Variants in CHFR observed in about 807,000 individuals in gnomAD.
CHFR encodes the protein checkpoint with forkhead and ring finger domains.
Under a neutral mutation model 87.6 loss-of-function variants are expected in CHFR, and 57 were observed. The ratio of observed to expected loss-of-function variants is 0.65; its 90% CI spans 0.53 to 0.81. The LOEUF (loss-of-function observed/expected upper bound fraction) is 0.81, where lower values mean the gene tolerates loss of function less well. CHFR is among the 30% of genes least tolerant of loss of function. CHFR has a pLI of 0.00. For synonymous variants in CHFR, 381 were observed against 359.2 expected, an observed-to-expected ratio of 1.06 and a Z score of -0.69; for missense variants, 797 against 865.8, an observed-to-expected ratio of 0.92 and a Z score of 1.00.
intron 2 of CHFR, among the ~76,000 whole-genome samples, chr12:132,886,638 T>C (rs1261540135): frequency 6.6e-6 from 1 of 152,222 alleles, no homozygotes; most frequent in East Asian, 1.9e-4. Flanking sequence ...TTTTTAGCTT[T>C]CCAGGTTTAT....
Position 132,837,972 on chromosome 12 carries a change from C to G in CHFR, c.*3582G>C, listed in dbSNP as rs563211820. The G allele has an allele frequency of 6.6e-6, 1 of 152,494 alleles. No homozygotes were observed. Among genetic ancestry groups the G allele is most frequent in the African/African-American group, 2.4e-5 (1 of 41,598 alleles). The allele number at this position is 152,494 out of a possible 1,614,324, so 9.4% of individuals were successfully genotyped here. On this transcript the variant is annotated 3_prime_UTR_variant, in exon 18 of 18. Coordinates refer to ENST00000450056, the MANE Select transcript of CHFR (RefSeq NM_001161346.2). The stretch of plus-strand genomic sequence containing the variant: ...TTCCTTCCCTTCCCAGTGCAGGGCT[C>G]CCGGCAACCTAGCGGCCCTGGCAGT...
At chr12:132,869,472 A>G (rs1951434657) in intron 6 of CHFR, 147 bp downstream of exon 6, 1 of 679,104 alleles carries the variant, frequency 1.5e-6, no homozygotes, top group African/African-American at 1.8e-5. Flanking sequence ...GGAACAACAC[A>G]CTCAATATTG....
intron 6 of CHFR, among the ~76,000 whole-genome samples, chr12:132,863,070 G>C (rs1222803737): frequency 7.0e-6 from 1 of 143,614 alleles, no homozygotes; most frequent in African/African-American, 2.5e-5. Flanking sequence ...CTAATTTTTT[G>C]TATTTTTAGT....
chr12:132,856,818 C>T (rs868536362), intron 9 of CHFR, 188 bp from the exon 10 acceptor site: 40 of 720,908 alleles, frequency 5.5e-5, no homozygotes, highest in Admixed American at 2.1e-4. Flanking sequence ...GATGCCCTCA[C>T]GTGCCCGGGT....
chr12:132,885,549 T>G (rs559168585), intron 2 of CHFR, among the ~76,000 whole-genome samples: 2 of 152,302 alleles, frequency 1.3e-5, no homozygotes, highest in Admixed American at 6.5e-5. Flanking sequence ...CTGGCAACAT[T>G]ATTTATAAAT....
At position 132,853,589 on chromosome 12, in the gene CHFR, G is replaced by T; in HGVS notation, c.1230-16C>A. On this transcript the variant is annotated splice_polypyrimidine_tract_variant and intron_variant, in intron 10 of 17. Coordinates refer to ENST00000450056, the MANE Select transcript of CHFR (RefSeq NM_001161346.2). Reference sequence around the variant, plus strand: ...GTATGGCTGGCTGCAAGGAAGCACAGGGCCGAGCTGTGTGCAGGCCCCAAG... The same window carrying T: ...GTATGGCTGGCTGCAAGGAAGCACATGGCCGAGCTGTGTGCAGGCCCCAAG... The T allele has an allele frequency of 6.6e-7, 1 of 1,520,760 alleles. No homozygotes were observed. The highest frequency in any genetic ancestry group is 1.2e-5 in the South Asian group (1 of 81,466). 94.2% of individuals were successfully genotyped at this position (1,520,760 alleles called of 1,614,324 possible).
At chr12:132,855,912 C>A (rs964892627) in intron 10 of CHFR, among the ~76,000 whole-genome samples, 1 of 151,904 alleles carries the variant, frequency 6.6e-6, no homozygotes, top group African/African-American at 2.4e-5. Flanking sequence ...ACATTCAGAC[C>A]CCGGTCTTGT....
chr12:132,886,286 G>A (rs1951891730), intron 2 of CHFR, among the ~76,000 whole-genome samples: 1 of 151,514 alleles, frequency 6.6e-6, no homozygotes, highest in African/African-American at 2.4e-5. Context: ...CCCCAGTCTG[G>A]GCCACAGAGC....
chr12:132,871,463 A>G (rs926853175), intron 4 of CHFR, among the ~76,000 whole-genome samples: 1 of 151,348 alleles, frequency 6.6e-6, no homozygotes, highest in African/African-American at 2.4e-5. Context: ...TCTCTTATTT[A>G]TTTAAAAAAT....
intron 15 of CHFR, 53 bp downstream of exon 15, chr12:132,846,990 C>G (rs1035173368): frequency 1.4e-5 from 19 of 1,337,792 alleles, no homozygotes; most frequent in Admixed American, 1.0e-4. Context: ...CACGCAGGCA[C>G]AGCCCTGGAC....
chr12:132,856,291 G>A (rs938380230), intron 10 of CHFR, among the ~76,000 whole-genome samples, 177 bp downstream of exon 10: 10 of 152,176 alleles, frequency 6.6e-5, no homozygotes, highest in Admixed American at 5.2e-4. Flanking sequence ...GCCTCTCAGG[G>A]GAGGTGCTAA....
chr12:132,873,296 C>T (rs1951534758), intron 3 of CHFR, among the ~76,000 whole-genome samples: 1 of 152,182 alleles, frequency 6.6e-6, no homozygotes, highest in Non-Finnish European at 1.5e-5. Context: ...CTCAGCTCTG[C>T]CGTCTGTAGC....
At chr12:132,853,607 G>T (rs765209279) in intron 10 of CHFR, 34 bp from the exon 11 acceptor site, 4 of 1,493,824 alleles carry the variant, frequency 2.7e-6, no homozygotes, top group Admixed American at 5.1e-5. Context: ...CTGTGTGCAG[G>T]CCCCAAGCCT....
chr12:132,837,130 C>A lies in CHFR; in HGVS notation c.*4424G>T. ...GAGAAGCAGAGGAACACCTGAGGGGCTCCAGGAGAAGCAGGTAGGGAGAAG... is the reference window on the plus strand; with the variant it reads ...GAGAAGCAGAGGAACACCTGAGGGGATCCAGGAGAAGCAGGTAGGGAGAAG... On this transcript the variant is annotated 3_prime_UTR_variant, in exon 18 of 18. Transcript: ENST00000450056. 3.5e-6 allele frequency: 1 copy of A among 287,598 alleles called. No homozygotes were observed. Among genetic ancestry groups the A allele is most frequent in the Non-Finnish European group, 6.8e-6 (1 of 147,358 alleles). 17.8% of individuals were successfully genotyped at this position (287,598 alleles called of 1,614,324 possible). A position where few individuals can be genotyped will look rare whatever the true frequency, so the allele number is the denominator to read the frequency against.
At chr12:132,886,643 G>A (rs1030120196) in intron 2 of CHFR, among the ~76,000 whole-genome samples, 4 of 152,048 alleles carry the variant, frequency 2.6e-5, no homozygotes, top group Admixed American at 1.3e-4. Flanking sequence ...AGCTTTCCAG[G>A]TTTATTAAAT....
chr12:132,856,111 C>T (rs1007927214), intron 10 of CHFR, among the ~76,000 whole-genome samples: 4 of 152,192 alleles, frequency 2.6e-5, no homozygotes, highest in Admixed American at 2.6e-4. Context: ...GAAAAAATAA[C>T]ATGGAATGAT....
At position 132,841,581 on chromosome 12, in the gene CHFR, G is replaced by T. The variant is rs1950704757; in HGVS notation, c.1932C>A (p.Ile644=). 6 of 1,613,738 alleles carry T rather than the reference G, an allele frequency of 3.7e-6. No homozygotes were observed. Among genetic ancestry groups the T allele is most frequent in the African/African-American group, 1.3e-5 (1 of 74,930 alleles). Residue 644 remains isoleucine, a synonymous_variant, in exon 18 of 18, where the codon ATC becomes ATA. Coordinates refer to ENST00000450056, the MANE Select transcript of CHFR (RefSeq NM_001161346.2). ...AGTTTTTGAACCTTGTCTGTTCACA[G>T]ATATGATTGAATTTCCTGCAGGGAG... is the stretch of plus-strand genomic sequence containing the variant. ...KAHHAMKFNH[I]CEQTRFKN
At chr12:132,887,095 GAAA>G in intron 2 of CHFR, 98 bp downstream of exon 2, 1 of 1,024,218 alleles carries the variant, frequency 9.8e-7, no homozygotes. Context: ...TCACTCCACG[GAAA>G]AATCTGGAGC....
At chr12:132,848,017 G>A in intron 14 of CHFR, 68 bp downstream of exon 14, 2 of 1,611,416 alleles carry the variant, frequency 1.2e-6, no homozygotes, top group African/African-American at 1.3e-5. Flanking sequence ...ATAGAATGCA[G>A]AGAACCAGCT....
Sources: gnomAD v4.1 joint callset for allele counts (sites outside exome capture counted in the v4.1 genomes callset) on GRCh38, gnomAD v4.1.1 for gene constraint, MANE v1.5 for transcripts, NCBI Gene and HGNC (gene_info 2026-07-23, HGNC 2026-07-21) for gene names.